Variants in FSTL5 observed in about 807,000 individuals in gnomAD.
FSTL5 encodes the protein follistatin like 5, also known as follistatin-related protein 5.
In FSTL5, 62 loss-of-function variants were observed where a neutral mutation model predicts 89.1. The ratio of observed to expected loss-of-function variants is 0.70; its 90% confidence interval spans 0.57 to 0.86. The LOEUF (loss-of-function observed/expected upper bound fraction) is 0.86, where lower values mean the gene tolerates loss of function less well. FSTL5 is among the 40% of genes least tolerant of loss of function. The probability of loss-of-function intolerance (pLI) is 0.00; values close to 1 mark genes in which losing one functional copy is unlikely to be tolerated. For missense variants in FSTL5, 1,057 were observed against 1,001.6 expected, an observed-to-expected ratio of 1.06 and a Z score of -0.75; for synonymous variants, 383 against 346.2, an observed-to-expected ratio of 1.11 and a Z score of -1.18.
At chr4:161,570,200 T>C (rs995111564) in intron 8 of FSTL5, among the ~76,000 whole-genome samples, 2 of 151,960 alleles carry the variant, frequency 1.3e-5, no homozygotes, top group Admixed American at 1.3e-4. Flanking sequence ...GGCAGGACAG[T>C]GAGTGAGTGA....
At chr4:161,584,010 A>C (rs1733522667) in intron 8 of FSTL5, among the ~76,000 whole-genome samples, 7 of 151,868 alleles carry the variant, frequency 4.6e-5, no homozygotes, top group Admixed American at 4.6e-4. Flanking sequence ...CACCTGACAA[A>C]CAAAACACTA....
intron 3 of FSTL5, among the ~76,000 whole-genome samples, chr4:161,946,482 C>T (rs186068301): frequency 2.0e-5 from 3 of 152,270 alleles, no homozygotes; most frequent in East Asian, 3.9e-4. Context: ...TCAAGGATGC[C>T]TTCAGGTGTG....
rs370605323 is a variant in FSTL5 at position 161,504,327 on chromosome 4, A to C, written c.1340-4193T>G. Among the ~76,000 whole-genome samples, 50 of 152,094 alleles carry C rather than the reference A, an allele frequency of 3.3e-4. 2 individuals carry two copies. In the South Asian group the frequency reaches 9.9e-3, roughly 30 times the overall value. On this transcript the variant is annotated intron_variant, in intron 11 of 15. Coordinates refer to ENST00000306100, the MANE Select transcript of FSTL5 (RefSeq NM_020116.5). ...AGTTTGTAAAGGGGTCCTGAGTCTC[A>C]AAAAGTTTGAGTAGTGGTGATCATT... is the stretch of plus-strand genomic sequence containing the variant.
chr4:161,658,680 A>G (rs186545637), intron 6 of FSTL5, among the ~76,000 whole-genome samples: 8 of 152,324 alleles, frequency 5.3e-5, no homozygotes, highest in African/African-American at 1.9e-4. Flanking sequence ...AAAAGTTGAA[A>G]TCTGCATACA....
At chr4:162,064,772 C>T (rs921836861) in intron 2 of FSTL5, among the ~76,000 whole-genome samples, 3 of 152,086 alleles carry the variant, frequency 2.0e-5, no homozygotes, top group African/African-American at 4.8e-5. Flanking sequence ...ACTTGTTCAT[C>T]GTATAACTGA....
At chr4:161,651,027 C>T (rs1736323467) in intron 7 of FSTL5, among the ~76,000 whole-genome samples, 2 of 152,136 alleles carry the variant, frequency 1.3e-5, no homozygotes. Flanking sequence ...GACTGCCAAT[C>T]CTGACAACCA....
intron 3 of FSTL5, among the ~76,000 whole-genome samples, chr4:162,026,853 C>T (rs1177220708): frequency 2.0e-5 from 3 of 152,016 alleles, no homozygotes; most frequent in Non-Finnish European, 4.4e-5. Context: ...TGTGTTGTTT[C>T]CCCCAACATC....
At chr4:161,623,195 A>G (rs1735204094) in intron 7 of FSTL5, among the ~76,000 whole-genome samples, 1 of 152,060 alleles carries the variant, frequency 6.6e-6, no homozygotes, top group African/African-American at 2.4e-5. Flanking sequence ...CTGAAAACTT[A>G]CTTTTGAGAT....
chr4:161,938,011 TC>T (rs1734479825), intron 3 of FSTL5, among the ~76,000 whole-genome samples: 1 of 152,148 alleles, frequency 6.6e-6, no homozygotes, highest in Non-Finnish European at 1.5e-5. Context: ...TTACATGACT[TC>T]TCTTTTAACA....
intron 2 of FSTL5, among the ~76,000 whole-genome samples, chr4:162,068,641 C>A (rs201875146): frequency 6.6e-6 from 1 of 151,936 alleles, no homozygotes; most frequent in African/African-American, 2.4e-5. Flanking sequence ...TAGGCACAGG[C>A]AAAGATATCA....
intron 2 of FSTL5, among the ~76,000 whole-genome samples, chr4:162,068,879 C>T (rs930937168): frequency 5.9e-5 from 9 of 151,932 alleles, no homozygotes; most frequent in African/African-American, 2.2e-4. Context: ...AAACAGTGGG[C>T]AAAAGCCATG....
At chr4:161,735,054 C>G (rs1309890906) in intron 6 of FSTL5, among the ~76,000 whole-genome samples, 1 of 152,194 alleles carries the variant, frequency 6.6e-6, no homozygotes, top group African/African-American at 2.4e-5. Flanking sequence ...CAATGCCAAT[C>G]ATAAGCTCCA....
chr4:161,675,545 G>C (rs1446612712), intron 6 of FSTL5, among the ~76,000 whole-genome samples: 1 of 130,656 alleles, frequency 7.7e-6, no homozygotes, highest in Non-Finnish European at 1.7e-5. Flanking sequence ...AAAATTCTCA[G>C]TAATTTTAAA....
chr4:161,761,377 G>A (rs1740795954), intron 5 of FSTL5, among the ~76,000 whole-genome samples: 1 of 152,192 alleles, frequency 6.6e-6, no homozygotes. Flanking sequence ...GCTGGGAGAA[G>A]GGGCAGTGTG....
rs569427459 is a variant in FSTL5, at chr4:162,131,432, T to G, written c.-16-20020A>C. On this transcript the variant is annotated intron_variant, in intron 1 of 15. Transcript: ENST00000306100. ...TAAAAAATTTTAAAATGTGTGGACCTGTTGTCCACTTAGGAACAAGTTCAT... is the reference window on the plus strand; with the variant it reads ...TAAAAAATTTTAAAATGTGTGGACCGGTTGTCCACTTAGGAACAAGTTCAT... Among the ~76,000 whole-genome samples the G allele has an allele frequency of 1.4e-4, 22 of 152,366 alleles. No individual in the cohort carries two copies. The South Asian group carries it at 4.6e-3, about 32-fold the overall frequency.
At chr4:161,524,318 T>C (rs559639771) in intron 10 of FSTL5, among the ~76,000 whole-genome samples, 6 of 152,046 alleles carry the variant, frequency 3.9e-5, no homozygotes, top group Non-Finnish European at 8.8e-5. Context: ...ATTTCCTGAA[T>C]GTGTTTGATT....
At chr4:161,723,585 G>GA (rs1739290328) in intron 6 of FSTL5, among the ~76,000 whole-genome samples, 1 of 152,130 alleles carries the variant, frequency 6.6e-6, no homozygotes, top group South Asian at 2.1e-4. Flanking sequence ...TTGGAGAGAG[G>GA]AATATTAAAT....
At chr4:161,431,418 A>G (rs1331177451) in intron 15 of FSTL5, among the ~76,000 whole-genome samples, 4 of 151,962 alleles carry the variant, frequency 2.6e-5, no homozygotes, top group Admixed American at 6.6e-5. Context: ...GTTAAAAGAT[A>G]TTATTTGTAA....
intron 3 of FSTL5, among the ~76,000 whole-genome samples, chr4:162,010,374 G>A (rs1406460830): frequency 6.6e-6 from 1 of 152,142 alleles, no homozygotes; most frequent in Non-Finnish European, 1.5e-5. Flanking sequence ...ATCAAGAGAA[G>A]TTAAATATTA....
Sources: allele counts gnomAD v4.1 joint callset (sites outside exome capture counted in the v4.1 genomes callset), GRCh38; gene constraint gnomAD v4.1.1; transcripts MANE v1.5; gene names NCBI Gene and HGNC (gene_info 2026-07-23, HGNC 2026-07-21).